Variants in ZBTB7C observed in about 807,000 individuals in gnomAD.
ZBTB7C encodes zinc finger and BTB domain containing 7C, also known as zinc finger and BTB domain-containing protein 7C.
A neutral mutation model predicts 25.7 loss-of-function variants in ZBTB7C; 8 were observed. The observed-to-expected ratio is 0.31, with a 90% CI of 0.18 to 0.56. The LOEUF (loss-of-function observed/expected upper bound fraction) is 0.56, where lower values mean the gene tolerates loss of function less well. Among genes scored for constraint, ZBTB7C ranks in the 20% least tolerant of loss-of-function variants. The pLI, the probability that ZBTB7C is intolerant of heterozygous loss-of-function variation, is 0.91. For synonymous variants in ZBTB7C, 394 were observed against 369.0 expected (o/e 1.07, Z -0.78); for missense variants, 824 against 855.2 (o/e 0.96, Z 0.46).
chr18:48,318,216 A>C (rs370085739), intron 2 of ZBTB7C, among the ~76,000 whole-genome samples: 22,631 of 150,806 alleles, frequency 0.15, 1,829 homozygotes, highest in Non-Finnish European at 0.2. Context: ...AAACAAAACA[A>C]AAAAAAAACC....
intron 3 of ZBTB7C, among the ~76,000 whole-genome samples, chr18:48,140,109 G>C (rs913342914): frequency 6.6e-6 from 1 of 152,228 alleles, no homozygotes; most frequent in Non-Finnish European, 1.5e-5. Context: ...CAACCACCGA[G>C]CATGGCTCAG....
chr18:48,243,894 T>C lies in ZBTB7C; in HGVS notation c.-78-57899A>G, dbSNP rs1296034454. Among the ~76,000 whole-genome samples, 4 of 152,182 alleles carry C rather than the reference T, an allele frequency of 2.6e-5. No individual in the cohort carries two copies. The East Asian group carries it at 7.7e-4, about 29-fold the overall frequency. ...CACATACTTACAGGCAACTGATCTT[T>C]GGCAAAGCAAACAAAAACATAAAGT... On this transcript the variant is annotated intron_variant, in intron 2 of 4. Transcript: ENST00000590800.
chr18:48,351,470 G>A (rs1396637467), intron 1 of ZBTB7C, among the ~76,000 whole-genome samples: 1 of 152,190 alleles, frequency 6.6e-6, no homozygotes, highest in Non-Finnish European at 1.5e-5. Context: ...AAGCCAACTG[G>A]TTTCCCCAGT....
chr18:48,180,368 A>T (rs376743427), intron 3 of ZBTB7C: 6 of 456,486 alleles, frequency 1.3e-5, no homozygotes, highest in Admixed American at 2.3e-5. Flanking sequence ...ATAAAATCAC[A>T]CCATTCGCTG....
chr18:48,274,316 T>A (rs2044580514), intron 2 of ZBTB7C, among the ~76,000 whole-genome samples: 1 of 152,210 alleles, frequency 6.6e-6, no homozygotes, highest in Non-Finnish European at 1.5e-5. Context: ...TATTTTGAAC[T>A]TGAATCTTGT....
At chr18:48,322,452 G>A (rs553082028) in intron 2 of ZBTB7C, among the ~76,000 whole-genome samples, 1 of 152,326 alleles carries the variant, frequency 6.6e-6, no homozygotes, top group African/African-American at 2.4e-5. Flanking sequence ...TGTGACGGGA[G>A]GCCTCAGGAA....
At chr18:48,228,743 T>TTACACACA (rs1555719792) in intron 2 of ZBTB7C, among the ~76,000 whole-genome samples, 3 of 135,836 alleles carry the variant, frequency 2.2e-5, no homozygotes, top group Non-Finnish European at 4.6e-5. Context: ...TCTCTCTCTC[T>TTACACACA]CTCTCACACA....
rs1599013233 is a variant in ZBTB7C at position 48,386,206 on chromosome 18, G to A, written c.-304+23020C>T. Among the ~76,000 whole-genome samples, 2 of 152,276 alleles carry A rather than the reference G, an allele frequency of 1.3e-5. 1 individual carries two copies. The highest frequency in any genetic ancestry group is 1.3e-4 in the Admixed American group (2 of 15,290). On this transcript the variant is annotated intron_variant, in intron 1 of 4. Coordinates refer to ENST00000590800, the MANE Select transcript of ZBTB7C (RefSeq NM_001318841.2). The stretch of plus-strand genomic sequence containing the variant: ...AATCAGTACAGTTGTGCTTGACTCA[G>A]GACAATCTGCCCTCTTCCCTGGCCC...
At chr18:48,183,978 T>A (rs1446114431) in intron 3 of ZBTB7C, among the ~76,000 whole-genome samples, 1 of 152,118 alleles carries the variant, frequency 6.6e-6, no homozygotes, top group African/African-American at 2.4e-5. Context: ...CCTGGATACA[T>A]CACATCCCAC....
In ZBTB7C at chr18:48,217,303, TG is replaced by T. The variant is rs138234758; in HGVS notation, c.-78-31309del. On this transcript the variant is annotated intron_variant, in intron 2 of 4. Transcript: ENST00000590800. The stretch of plus-strand genomic sequence containing the variant: ...TGAACTCTCTGCCTTCAAGCCCTCC[TG>T]TCCTTCCTGTCCCCAAGAAGCCCTC... Among the ~76,000 whole-genome samples, 1,333 of 152,286 alleles carry T rather than the reference TG, an allele frequency of 8.8e-3. 30 individuals are homozygous for T. Among genetic ancestry groups the T allele is most frequent in the African/African-American group, 0.03 (1,239 of 41,570 alleles).
chr18:48,408,880 G>T (rs1174467287), intron 1 of ZBTB7C, among the ~76,000 whole-genome samples: 1 of 151,204 alleles, frequency 6.6e-6, no homozygotes, highest in African/African-American at 2.4e-5. Context: ...GAGGCGCGGC[G>T]CCCGCTCGCT....
At chr18:48,041,466 T>C in intron 3 of ZBTB7C, 64 of 985,442 alleles carry the variant, frequency 6.5e-5, no homozygotes, top group Non-Finnish European at 7.7e-5. Flanking sequence ...ATGAAAAGCC[T>C]CATGAACCTA....
intron 2 of ZBTB7C, among the ~76,000 whole-genome samples, chr18:48,266,256 T>C (rs981160861): frequency 3.9e-5 from 6 of 152,302 alleles, no homozygotes; most frequent in Admixed American, 3.9e-4. Flanking sequence ...CAACTCATGC[T>C]CTTCCCACTG....
intron 2 of ZBTB7C, among the ~76,000 whole-genome samples, chr18:48,295,418 C>T (rs1006915014): frequency 2.0e-5 from 3 of 152,128 alleles, no homozygotes; most frequent in South Asian, 4.1e-4. Flanking sequence ...TCGTGGGGTG[C>T]TCCTTCCAGA....
In ZBTB7C at chr18:48,260,966, G is replaced by A. The variant is rs150808074; in HGVS notation, c.-78-74971C>T. 4.0e-4 allele frequency among the ~76,000 whole-genome samples: 61 copies of A among 152,256 alleles called. No individual in the cohort carries two copies. In the East Asian group the frequency reaches 0.012, roughly 29 times the overall value. On this transcript the variant is annotated intron_variant, in intron 2 of 4. Transcript: ENST00000590800. ...ACACCAGGCTTTAACGGGCAAATTT[G>A]TATGAGCAAGGGCAAAATGAAGGGC...
chr18:48,193,906 C>G (rs759643520), intron 2 of ZBTB7C, among the ~76,000 whole-genome samples: 20 of 152,238 alleles, frequency 1.3e-4, no homozygotes, highest in Non-Finnish European at 2.8e-4. Flanking sequence ...ACCTAGCCAG[C>G]AGGGCATGAA....
chr18:48,297,287 TC>T (rs1310641751), intron 2 of ZBTB7C, among the ~76,000 whole-genome samples: 3 of 152,170 alleles, frequency 2.0e-5, no homozygotes. Flanking sequence ...ATAACAAACA[TC>T]CTTTAACCCC....
upstream of ZBTB7C, chr18:48,409,413 G>C (rs2048356529): frequency 6.8e-6 from 1 of 146,582 alleles, no homozygotes; most frequent in African/African-American, 2.5e-5. Context: ...GGGCGAGCGG[G>C]CAGCTCCTCC....
intron 2 of ZBTB7C, among the ~76,000 whole-genome samples, chr18:48,216,725 G>A (rs980936975): frequency 6.6e-6 from 1 of 152,120 alleles, no homozygotes; most frequent in Non-Finnish European, 1.5e-5. Flanking sequence ...AGCCCGCTCA[G>A]TCCATCTCCT....
Sources: gnomAD v4.1 joint callset for allele counts (sites outside exome capture counted in the v4.1 genomes callset) on GRCh38, gnomAD v4.1.1 for gene constraint, MANE v1.5 for transcripts, NCBI Gene and HGNC (gene_info 2026-07-23, HGNC 2026-07-21) for gene names.